The following FMN1 variants were observed in gnomAD, a reference collection of about 807,000 sequenced individuals.
FMN1 encodes the protein formin 1.
A neutral mutation model predicts 132.4 loss-of-function variants in FMN1; 110 were observed. That is an observed-to-expected ratio of 0.83 (90% confidence interval 0.71 to 0.97). The LOEUF (loss-of-function observed/expected upper bound fraction) is 0.97, where lower values mean the gene tolerates loss of function less well. Ranked by LOEUF, FMN1 falls within the 50% of genes least tolerant of loss-of-function variation. FMN1 has a pLI of 0.00. For missense variants in FMN1, 1,792 were observed against 1,705.3 expected (o/e 1.05, Z -0.90); for synonymous variants, 722 against 651.7 (o/e 1.11, Z -1.64).
At chr15:33,128,854 A>C (rs555010833) in intron 4 of FMN1, among the ~76,000 whole-genome samples, 1 of 152,256 alleles carries the variant, frequency 6.6e-6, no homozygotes, top group Non-Finnish European at 1.5e-5. Context: ...CAACCGGAGC[A>C]GACTGCAGAG....
In FMN1 at chr15:32,866,689, C is replaced by T. The variant is rs568417486; in HGVS notation, c.3836-9582G>A. Among the ~76,000 whole-genome samples the T allele has an allele frequency of 2.2e-4, 34 of 152,284 alleles. No homozygotes were observed. The South Asian group carries it at 7.1e-3, about 32-fold the overall frequency. ...TTTTCCTATTTCTTGTTTCATGACC[C>T]ACTGAAATTTACTTCCTCCCCATTG... On this transcript the variant is annotated intron_variant, in intron 16 of 20. Transcript: ENST00000616417.
intron 4 of FMN1, among the ~76,000 whole-genome samples, chr15:33,152,607 A>C (rs1200327890): frequency 6.6e-6 from 1 of 152,116 alleles, no homozygotes; most frequent in Non-Finnish European, 1.5e-5. Flanking sequence ...GTACTTTTGC[A>C]CTTCTGCTTA....
chr15:32,784,239 T>C (rs1301654576), intron 19 of FMN1, among the ~76,000 whole-genome samples: 1 of 152,198 alleles, frequency 6.6e-6, no homozygotes, highest in Admixed American at 6.5e-5. Flanking sequence ...TCAGCAAAGG[T>C]GTTTCAGGGA....
At chr15:32,990,987 T>C (rs140583256) in intron 7 of FMN1, among the ~76,000 whole-genome samples, 1 of 152,150 alleles carries the variant, frequency 6.6e-6, no homozygotes, top group African/African-American at 2.4e-5. Flanking sequence ...CAATTCGAGA[T>C]TTGGGCGGGG....
At chr15:32,884,658 G>A (rs2059852334) in intron 16 of FMN1, among the ~76,000 whole-genome samples, 1 of 151,964 alleles carries the variant, frequency 6.6e-6, no homozygotes, top group South Asian at 2.1e-4. Context: ...AGCCAGCAAG[G>A]ACAAAGAGGG....
At chr15:32,822,217 C>T (rs1004835462) in intron 17 of FMN1, among the ~76,000 whole-genome samples, 2 of 152,092 alleles carry the variant, frequency 1.3e-5, no homozygotes, top group Non-Finnish European at 2.9e-5. Flanking sequence ...GGTGTGGTGG[C>T]ATGCACCTGT....
At chr15:32,921,658 C>T (rs1209032464) in intron 10 of FMN1, among the ~76,000 whole-genome samples, 2 of 150,244 alleles carry the variant, frequency 1.3e-5, no homozygotes, top group Non-Finnish European at 2.9e-5. Flanking sequence ...AATCTATATA[C>T]TCCAGCTGTG....
intron 4 of FMN1, among the ~76,000 whole-genome samples, chr15:33,115,339 G>GA (rs1346660938): frequency 1.3e-5 from 2 of 152,092 alleles, no homozygotes; most frequent in African/African-American, 4.8e-5. Flanking sequence ...AGTCAAATCA[G>GA]AAGAAACATG....
At chr15:32,892,230 C>G (rs2060049055) in intron 15 of FMN1, among the ~76,000 whole-genome samples, 1 of 152,112 alleles carries the variant, frequency 6.6e-6, no homozygotes, top group Non-Finnish European at 1.5e-5. Context: ...GATATGTCCC[C>G]TGTATGCAAA....
At position 33,153,724 on chromosome 15, in the gene FMN1, C is replaced by T; in HGVS notation, c.1191G>A (p.Gln397=). 6.5e-7 allele frequency: 1 copy of T among 1,536,280 alleles called. No homozygotes were observed. The highest frequency in any genetic ancestry group is 8.7e-7 in the Non-Finnish European group (1 of 1,146,946). The change falls in exon 4 of 21, where the codon CAG becomes CAA. Residue 397 remains glutamine (Q), a synonymous_variant. Transcript: ENST00000616417. The part of the protein sequence containing the change: ...GKERQGDRSS[Q]SPAGETASIS... ...TGGAGGCTGTTTCCCCGGCTGGCGACTGCGATGACCTATCCCCTTGCCGCT... is the reference window on the plus strand; with the variant it reads ...TGGAGGCTGTTTCCCCGGCTGGCGATTGCGATGACCTATCCCCTTGCCGCT...
rs146111524 is a variant in FMN1, at chr15:33,023,957, G to A, written c.2162-15882C>T. ...CCAGAATCGTGTCTGTTGAAAGATG[G>A]CAGGAGAAACTGATAAGCCACATAA... On this transcript the variant is annotated intron_variant, in intron 6 of 20. Transcript: ENST00000616417. 1.5e-3 allele frequency among the ~76,000 whole-genome samples: 224 copies of A among 152,194 alleles called. 3 individuals carry two copies. The East Asian group carries it at 0.037, about 25-fold the overall frequency.
chr15:33,174,602 GTTAA>G lies in FMN1; in HGVS notation c.-132+5592_-132+5595del, dbSNP rs142140712. Among the ~76,000 whole-genome samples the G allele has an allele frequency of 6.6e-3, 1,006 of 152,260 alleles. 12 individuals carry two copies. Among genetic ancestry groups the G allele is most frequent in the African/African-American group, 0.023 (964 of 41,542 alleles). On this transcript the variant is annotated intron_variant, in intron 3 of 20. Transcript: ENST00000616417. ...CAATCATCAACATTTTTTTGATTCA[GTTAA>G]TTAGACAATTCCTTAGCACACATAA...
chr15:32,926,325 A>C (rs758316082), intron 9 of FMN1, 64 bp from the exon 10 acceptor site: 64 of 874,914 alleles, frequency 7.3e-5, no homozygotes, highest in African/African-American at 1.0e-4. Flanking sequence ...TTCAGGACGC[A>C]CACCAAAAAC....
chr15:32,989,517 C>A (rs1363506707), intron 7 of FMN1, among the ~76,000 whole-genome samples: 1 of 151,248 alleles, frequency 6.6e-6, no homozygotes, highest in Non-Finnish European at 1.5e-5. Flanking sequence ...CATAATAATT[C>A]CCCACCCTTT....
intron 17 of FMN1, among the ~76,000 whole-genome samples, chr15:32,804,869 C>T (rs906114455): frequency 2.6e-5 from 4 of 152,144 alleles, no homozygotes; most frequent in Non-Finnish European, 4.4e-5. Flanking sequence ...CATAGTATTC[C>T]ATGGTGTATA....
chr15:32,896,818 A>G (rs1338504471), intron 15 of FMN1, among the ~76,000 whole-genome samples: 1 of 152,220 alleles, frequency 6.6e-6, no homozygotes, highest in East Asian at 1.9e-4. Flanking sequence ...CTATTGACAG[A>G]CATTTAGATT....
chr15:33,003,949 A>G (rs28807386), intron 7 of FMN1, among the ~76,000 whole-genome samples: 1 of 152,124 alleles, frequency 6.6e-6, no homozygotes, highest in African/African-American at 2.4e-5. Flanking sequence ...GGGGAAAGGA[A>G]TCCCTATTTA....
intron 6 of FMN1, among the ~76,000 whole-genome samples, chr15:33,025,137 G>A (rs2035607380): frequency 1.3e-5 from 2 of 152,256 alleles, no homozygotes; most frequent in African/African-American, 4.8e-5. Flanking sequence ...TATTTGTAAT[G>A]TTTTATTTCC....
chr15:33,123,069 T>A (rs1193516871), intron 4 of FMN1, among the ~76,000 whole-genome samples: 1 of 151,186 alleles, frequency 6.6e-6, no homozygotes, highest in Non-Finnish European at 1.5e-5. Context: ...TCCACATCCT[T>A]ATAACTAAAG....
Sources: allele counts gnomAD v4.1 joint callset (sites outside exome capture counted in the v4.1 genomes callset), GRCh38; gene constraint gnomAD v4.1.1; transcripts MANE v1.5; gene names NCBI Gene and HGNC (gene_info 2026-07-23, HGNC 2026-07-21).